DLG2: variants seen among roughly 807,000 people sequenced by gnomAD.
DLG2 encodes the protein disks large homolog 2.
A neutral mutation model predicts 132.5 loss-of-function variants in DLG2; 45 were observed. The ratio of observed to expected loss-of-function variants is 0.34; its 90% CI spans 0.27 to 0.44. DLG2 has a LOEUF of 0.44. Among genes scored for constraint, DLG2 ranks in the 20% least tolerant of loss-of-function variants. The pLI is 1.00. For synonymous variants in DLG2, 424 were observed against 419.6 expected (o/e 1.01, Z -0.13); for missense variants, 1,045 against 1,196.9 (o/e 0.87, Z 1.87).
chr11:84,473,553 G>A (rs1429451077), intron 7 of DLG2, among the ~76,000 whole-genome samples: 1 of 151,886 alleles, frequency 6.6e-6, no homozygotes, highest in Non-Finnish European at 1.5e-5. Flanking sequence ...ACTCTTACTT[G>A]GTAATGTCAT....
chr11:84,118,875 T>C (rs1176724225), intron 9 of DLG2, among the ~76,000 whole-genome samples: 1 of 152,232 alleles, frequency 6.6e-6, no homozygotes, highest in Non-Finnish European at 1.5e-5. Context: ...TTCTATCTTG[T>C]ACTTTAGGCA....
At chr11:84,728,936 A>G (rs1317904452) in intron 6 of DLG2, among the ~76,000 whole-genome samples, 1 of 152,116 alleles carries the variant, frequency 6.6e-6, no homozygotes. Context: ...CAGTGAGGGT[A>G]GCCCCTATAT....
rs572644557 is a variant in DLG2, at chr11:84,780,350, A to T, written c.358-245619T>A. 1.6e-4 allele frequency among the ~76,000 whole-genome samples: 25 copies of T among 152,220 alleles called. No homozygotes were observed. The South Asian group carries it at 2.3e-3, about 14-fold the overall frequency. On this transcript the variant is annotated intron_variant, in intron 6 of 27. Coordinates refer to ENST00000376104, the MANE Select transcript of DLG2 (RefSeq NM_001142699.3). ...AGCATGACTTCATGATAAAAAAATT[A>T]AAAAACTATACATAGAAGCAACATA...
intron 7 of DLG2, among the ~76,000 whole-genome samples, chr11:84,345,483 G>A (rs977738919): frequency 9.9e-5 from 15 of 152,050 alleles, no homozygotes; most frequent in Admixed American, 3.9e-4. Context: ...TTTGCAACAG[G>A]TTACAGAATT....
rs150600101 is a variant in DLG2 at position 85,381,439 on chromosome 11, C to T, written c.41-96074G>A. Among the ~76,000 whole-genome samples, 156 of 152,210 alleles carry T rather than the reference C, an allele frequency of 1.0e-3. 1 individual carries two copies. Among genetic ancestry groups the T allele is most frequent in the African/African-American group, 2.7e-3 (112 of 41,544 alleles). ...AAAGGTTTTCCCCTAAGATCAGGAA[C>T]GATACAAGAATGGCTGCTCTCTTTA... On this transcript the variant is annotated intron_variant, in intron 3 of 27. Coordinates refer to ENST00000376104, the MANE Select transcript of DLG2 (RefSeq NM_001142699.3).
intron 7 of DLG2, among the ~76,000 whole-genome samples, chr11:84,411,567 T>C (rs2098903884): frequency 6.6e-6 from 1 of 152,060 alleles, no homozygotes; most frequent in East Asian, 1.9e-4. Context: ...TGGTACTTTT[T>C]TTTTTTGCCT....
rs575207835 is a variant in DLG2 at position 83,741,178 on chromosome 11, C to A, written c.1825+45512G>T. Among the ~76,000 whole-genome samples, 6 of 152,242 alleles carry A rather than the reference C, an allele frequency of 3.9e-5. No homozygotes were observed. The South Asian group carries it at 1.0e-3, about 26-fold the overall frequency. On this transcript the variant is annotated intron_variant, in intron 18 of 27. Transcript: ENST00000376104. ...TCAATATAATAAGAGACATTTATGA[C>A]AAACCCACAGCCATTATCATATTGA...
At chr11:84,552,276 C>G (rs780440166) in intron 6 of DLG2, among the ~76,000 whole-genome samples, 27 of 152,086 alleles carry the variant, frequency 1.8e-4, no homozygotes, top group Non-Finnish European at 3.1e-4. Flanking sequence ...CCAAACATAT[C>G]TCTTGCTTCT....
At chr11:83,568,256 G>A (rs1457705782) in intron 19 of DLG2, among the ~76,000 whole-genome samples, 2 of 152,118 alleles carry the variant, frequency 1.3e-5, no homozygotes, top group Non-Finnish European at 2.9e-5. Context: ...ATGAGGATAG[G>A]AAGAGAAAGG....
intron 3 of DLG2, among the ~76,000 whole-genome samples, chr11:85,290,335 C>T (rs911421827): frequency 2.6e-5 from 4 of 152,060 alleles, no homozygotes; most frequent in Non-Finnish European, 5.9e-5. Context: ...TTTACAAACT[C>T]TAATGTACAC....
At chr11:85,219,921 GA>G (rs543742743) in intron 4 of DLG2, among the ~76,000 whole-genome samples, 23 of 151,732 alleles carry the variant, frequency 1.5e-4, no homozygotes, top group African/African-American at 4.8e-4. Context: ...TATTTGATTT[GA>G]CATCCCAGGT....
chr11:84,279,060 C>G (rs891093682), intron 7 of DLG2, among the ~76,000 whole-genome samples: 2 of 152,082 alleles, frequency 1.3e-5, no homozygotes, highest in African/African-American at 4.8e-5. Context: ...TTTTTGCAAT[C>G]TATCCATCTG....
chr11:83,787,319 T>TG (rs2040240262), intron 17 of DLG2, among the ~76,000 whole-genome samples: 1 of 92,380 alleles, frequency 1.1e-5, no homozygotes, highest in Non-Finnish European at 2.1e-5. Flanking sequence ...CTTGTTTTTT[T>TG]TTTGTTTTTT....
intron 15 of DLG2, among the ~76,000 whole-genome samples, chr11:83,926,705 C>T (rs1330352347): frequency 6.6e-6 from 1 of 152,014 alleles, no homozygotes; most frequent in Non-Finnish European, 1.5e-5. Flanking sequence ...CACAACATTA[C>T]TAGAGTTGGA....
At chr11:84,239,708 T>C (rs1223294448) in intron 8 of DLG2, among the ~76,000 whole-genome samples, 1 of 152,192 alleles carries the variant, frequency 6.6e-6, no homozygotes, top group Non-Finnish European at 1.5e-5. Context: ...ACCAGTAAAA[T>C]GTTTGCAAGC....
At chr11:84,998,676 C>A (rs1333091112) in intron 6 of DLG2, among the ~76,000 whole-genome samples, 1 of 152,018 alleles carries the variant, frequency 6.6e-6, no homozygotes, top group Non-Finnish European at 1.5e-5. Context: ...CCTTTTATAC[C>A]TTCCAAGACC....
At chr11:84,124,000 G>C (rs2094044423) in intron 9 of DLG2, among the ~76,000 whole-genome samples, 1 of 152,180 alleles carries the variant, frequency 6.6e-6, no homozygotes, top group Non-Finnish European at 1.5e-5. Flanking sequence ...AGTCGGTTGA[G>C]AGCTATTTTG....
intron 5 of DLG2, among the ~76,000 whole-genome samples, chr11:85,154,116 C>T (rs1390867570): frequency 2.1e-5 from 3 of 144,554 alleles, no homozygotes; most frequent in Non-Finnish European, 4.5e-5. Context: ...GATGCCCACC[C>T]TCCCTCTCTT....
At chr11:85,430,993 C>G (rs929112862) in intron 3 of DLG2, among the ~76,000 whole-genome samples, 11 of 151,918 alleles carry the variant, frequency 7.2e-5, no homozygotes, top group Non-Finnish European at 8.8e-5. Flanking sequence ...AACAGAAAAA[C>G]AGTGTAAAAA....
Sources: gnomAD v4.1 joint callset for allele counts (sites outside exome capture counted in the v4.1 genomes callset) on GRCh38, gnomAD v4.1.1 for gene constraint, MANE v1.5 for transcripts, NCBI Gene and HGNC (gene_info 2026-07-23, HGNC 2026-07-21) for gene names.